The following BCL9L variants were observed in gnomAD, a reference collection of about 807,000 sequenced individuals.
The protein encoded by BCL9L is B-cell CLL/lymphoma 9-like protein.
Under a neutral mutation model 99.4 loss-of-function variants are expected in BCL9L, and 19 were observed. The observed-to-expected ratio is 0.19, with a 90% CI of 0.13 to 0.28. The LOEUF is 0.28. Ranked by LOEUF, BCL9L falls within the 10% of genes least tolerant of loss-of-function variation. The probability of loss-of-function intolerance (pLI) is 1.00; values close to 1 mark genes in which losing one functional copy is unlikely to be tolerated. For missense variants in BCL9L, 2,023 were observed against 2,101.6 expected (o/e 0.96, Z 0.73); for synonymous variants, 900 against 854.8 (o/e 1.05, Z -0.92).
chr11:118,906,639 T>C (rs1200592201), intron 5 of BCL9L, among the ~76,000 whole-genome samples: 1 of 152,210 alleles, frequency 6.6e-6, no homozygotes, highest in Non-Finnish European at 1.5e-5. Context: ...AATTTAATAG[T>C]CTCTGGCTAG....
At position 118,914,461 on chromosome 11, in the gene BCL9L, CT is replaced by C. The variant is rs1299300216; in HGVS notation, c.-77+4364del. Among the ~76,000 whole-genome samples, 1 of 152,208 alleles carries C rather than the reference CT, an allele frequency of 6.6e-6. No individual in the cohort carries two copies. Among genetic ancestry groups the C allele is most frequent in the African/African-American group, 2.4e-5 (1 of 41,456 alleles). ...GCATCCTCCTGGCCCCTCACCTCCC[CT>C]GATGGCTCACACTCTTGGCAGCAGC... On this transcript the variant is annotated intron_variant, in intron 2 of 9. Coordinates refer to ENST00000683865, the MANE Select transcript of BCL9L (RefSeq NM_001378213.1). The surrounding 1 kb of genome is among the most constrained non-coding windows in gnomAD (Gnocchi z 4.4).
chr11:118,908,656 C>G lies in BCL9L; in HGVS notation c.27-1G>C. On this transcript the variant is annotated splice_acceptor_variant, in intron 3 of 9. Coordinates refer to ENST00000683865, the MANE Select transcript of BCL9L (RefSeq NM_001378213.1). LOFTEE classifies it high-confidence loss of function. ...TTCTCTCCTCCTGGGGTGGGGTAAC[C>G]TGGGAGGAGGTGGGAGAAATGTGAA... is the stretch of plus-strand genomic sequence containing the variant. The G allele has an allele frequency of 6.2e-7, 1 of 1,605,206 alleles. No homozygotes were observed. The highest frequency in any genetic ancestry group is 8.5e-7 in the Non-Finnish European group (1 of 1,175,456).
Position 118,900,871 on chromosome 11 carries a change from G to A in BCL9L, c.2872C>T (p.Pro958Ser). Residue 958 changes from proline to serine, a missense_variant, in exon 8 of 10, where the codon CCC becomes TCC. This residue lies in a region of BCL9L where 902 missense variants were observed against 888.2 expected (regional missense o/e 1.02). Coordinates refer to ENST00000683865, the MANE Select transcript of BCL9L (RefSeq NM_001378213.1). This position sits in a 1 kb window ranked among gnomAD's most constrained non-coding sequence, Gnocchi z 5.3. ...PSANLKSPQT[P>S]SQMVPLPSAN... ...GAAGGCAAGGGCACCATCTGTGAGG[G>A]AGTCTGGGGTGACTTGAGGTTGGCA... 1 of 1,606,788 alleles carries A rather than the reference G, an allele frequency of 6.2e-7. No individual in the cohort carries two copies.
Position 118,902,249 on chromosome 11 carries a change from C to A in BCL9L, c.1494G>T (p.Gly498=). 1 of 1,605,462 alleles carries A rather than the reference C, an allele frequency of 6.2e-7. No homozygotes were observed. The highest frequency in any genetic ancestry group is 8.5e-7 in the Non-Finnish European group (1 of 1,174,444). The change falls in exon 8 of 10, where the codon GGG becomes GGT. Residue 498 remains glycine (G), a synonymous_variant. Transcript: ENST00000683865. This position sits in a 1 kb window ranked among gnomAD's most constrained non-coding sequence, Gnocchi z 7.8. ...VPGHPPGGDM[G]QQMNMMIQRL... ...TCTGTATCATCATGTTCATCTGCTG[C>A]CCCATGTCCCCACCCGGGGGGTGCC... is the stretch of plus-strand genomic sequence containing the variant.
chr11:118,899,906 T>C lies in BCL9L; in HGVS notation c.3406+11A>G. 2 of 1,609,792 alleles carry C rather than the reference T, an allele frequency of 1.2e-6. No individual in the cohort carries two copies. Among genetic ancestry groups the C allele is most frequent in the Non-Finnish European group, 1.7e-6 (2 of 1,178,356 alleles). ...AGCTGGCCTCCCTGGGGCCCTGGCC[T>C]GTCCTCGCACCTGGCCCGGAGCCCT... On this transcript the variant is annotated intron_variant, in intron 9 of 9. Coordinates refer to ENST00000683865, the MANE Select transcript of BCL9L (RefSeq NM_001378213.1).
In BCL9L at chr11:118,925,457, C is replaced by A. The variant is rs976074787; in HGVS notation, c.-350G>T. On this transcript the variant is annotated 5_prime_UTR_variant, in exon 1 of 10. Coordinates refer to ENST00000683865, the MANE Select transcript of BCL9L (RefSeq NM_001378213.1). This position sits in a 1 kb window ranked among gnomAD's most constrained non-coding sequence, Gnocchi z 6.4. The stretch of plus-strand genomic sequence containing the variant: ...GGGTGCCTGGGTTCCTGCCTCCCAA[C>A]CGCGGAGCATGGTCGCGGGCGCCGG... The A allele has an allele frequency of 6.6e-6, 1 of 152,276 alleles. No individual in the cohort carries two copies. Among genetic ancestry groups the A allele is most frequent in the African/African-American group, 2.4e-5 (1 of 41,470 alleles). The allele number at this position is 152,276 out of a possible 1,614,324, so 9.4% of individuals were successfully genotyped here.
In BCL9L at chr11:118,901,309, G is replaced by A. The variant is rs148630206; in HGVS notation, c.2434C>T (p.Leu812Phe). 1,309 of 1,613,522 alleles carry A rather than the reference G, an allele frequency of 8.1e-4. 8 individuals carry two copies. The African/African-American group carries it at 0.015, about 19-fold the overall frequency. ...GPGDLMGPQG[L>F]SPEEMARVRA... ...ACCCGGGCCATCTCCTCAGGACTGA[G>A]GCCCTGGGGCCCCATCAAGTCCCCA... is the stretch of plus-strand genomic sequence containing the variant. Residue 812 changes from leucine (L) to phenylalanine (F), a missense_variant, in exon 8 of 10, where the codon CTC becomes TTC. Coordinates refer to ENST00000683865, the MANE Select transcript of BCL9L (RefSeq NM_001378213.1). This position sits in a 1 kb window ranked among gnomAD's most constrained non-coding sequence, Gnocchi z 6.6.
chr11:118,908,693 G>A (rs1356438363), intron 3 of BCL9L, 38 bp from the exon 4 acceptor site: 1 of 1,562,180 alleles, frequency 6.4e-7, no homozygotes, highest in Non-Finnish European at 8.7e-7. Context: ...AGTTAACCTT[G>A]CTAGGGGCTA....
intron 1 of BCL9L, among the ~76,000 whole-genome samples, chr11:118,923,796 G>T (rs1941210630): frequency 6.6e-6 from 1 of 152,214 alleles, no homozygotes; most frequent in Admixed American, 6.5e-5. Context: ...CAAGGCCAAG[G>T]AGGCAAATCA....
At position 118,900,786 on chromosome 11, in the gene BCL9L, C is replaced by T. The variant is rs955967728; in HGVS notation, c.2957G>A (p.Arg986His). ...PQVLGSSLSV[R>H]SPTGSPSRLK... ...CCTGCTGGGCGAGCCAGTGGGTGAA[C>T]GGACACTGAGGGAGGAGCCGAGGAC... is the stretch of plus-strand genomic sequence containing the variant. Residue 986 changes from arginine to histidine, a missense_variant, in exon 8 of 10, where the codon CGT (arginine) becomes CAT (histidine). Coordinates refer to ENST00000683865, the MANE Select transcript of BCL9L (RefSeq NM_001378213.1). The surrounding 1 kb of genome is among the most constrained non-coding windows in gnomAD (Gnocchi z 5.3). 10 of 1,613,770 alleles carry T rather than the reference C, an allele frequency of 6.2e-6. No individual in the cohort carries two copies. The highest frequency in any genetic ancestry group is 7.6e-6 in the Non-Finnish European group (9 of 1,179,940).
intron 5 of BCL9L, among the ~76,000 whole-genome samples, chr11:118,907,269 C>A (rs78755429): frequency 0.018 from 2,782 of 152,278 alleles, 53 homozygotes; most frequent in Non-Finnish European, 0.029. Flanking sequence ...TCCACTCTGC[C>A]CCACCTAGGG....
intron 2 of BCL9L, among the ~76,000 whole-genome samples, chr11:118,915,765 C>T (rs983784618): frequency 1.3e-5 from 2 of 152,230 alleles, no homozygotes; most frequent in Non-Finnish European, 2.9e-5. Context: ...CTTAAGCCTA[C>T]TCTCTTGCCA....
At position 118,902,800 on chromosome 11, in the gene BCL9L, C is replaced by A; in HGVS notation, c.943G>T (p.Gly315Cys). Residue 315 changes from glycine (G) to cysteine (C), a missense_variant, in exon 8 of 10, where the codon GGC (glycine) becomes TGC (cysteine). This residue lies in a region of BCL9L where 1,116 missense variants were observed against 1,194.6 expected (regional missense o/e 0.93). Transcript: ENST00000683865. The surrounding 1 kb of genome is among the most constrained non-coding windows in gnomAD (Gnocchi z 7.8). ...GGGGGCAGAGCAGGCGGGGCACTGC[C>A]AGGGGCCGGGGGTGGCGGCGGCGGC... ...PLPPPPPPAPGSAPPALPPEG... is the reference protein window; with the variant it reads ...PLPPPPPPAPCSAPPALPPEG... The A allele has an allele frequency of 1.3e-6, 2 of 1,560,138 alleles. No individual in the cohort carries two copies. Among genetic ancestry groups the A allele is most frequent in the Admixed American group, 1.8e-5 (1 of 55,250 alleles).
At chr11:118,913,258 G>A (rs990016260) in intron 2 of BCL9L, among the ~76,000 whole-genome samples, 5 of 151,788 alleles carry the variant, frequency 3.3e-5, no homozygotes, top group Non-Finnish European at 7.4e-5. Flanking sequence ...TGCAGCCCTA[G>A]GGTAATGTCA....
At chr11:118,899,637 G>T in intron 9 of BCL9L, 129 bp from the exon 10 acceptor site, 1 of 1,266,212 alleles carries the variant, frequency 7.9e-7, no homozygotes, top group Non-Finnish European at 1.1e-6. Context: ...GGCTTCCCCT[G>T]GCTGGGAGGG....
At position 118,910,032 on chromosome 11, in the gene BCL9L, C is replaced by T; in HGVS notation, c.-76-17G>A. ...GAGCACGGACTGCAGCAACAAGCCCCAAAGAGAAAACTCGTGACTTGGGGA... is the reference window on the plus strand; with the variant it reads ...GAGCACGGACTGCAGCAACAAGCCCTAAAGAGAAAACTCGTGACTTGGGGA... On this transcript the variant is annotated splice_polypyrimidine_tract_variant and intron_variant, in intron 2 of 9. Coordinates refer to ENST00000683865, the MANE Select transcript of BCL9L (RefSeq NM_001378213.1). 4.5e-6 allele frequency: 7 copies of T among 1,565,812 alleles called. No homozygotes were observed. The highest frequency in any genetic ancestry group is 6.1e-6 in the Non-Finnish European group (7 of 1,144,340).
Position 118,925,771 on chromosome 11 carries a change from G to A in BCL9L, c.-664C>T, listed in dbSNP as rs1941263533. 6.7e-6 allele frequency among the ~76,000 whole-genome samples: 1 copy of A among 150,208 alleles called. No individual in the cohort carries two copies. The highest frequency in any genetic ancestry group is 2.4e-5 in the African/African-American group (1 of 41,170). ...GGGGGACCCAGGCGTGCGGGCGTCCGGCCGGCTGGCTCCGGGCGGCGGCGG... is the reference window on the plus strand; with the variant it reads ...GGGGGACCCAGGCGTGCGGGCGTCCAGCCGGCTGGCTCCGGGCGGCGGCGG... On this transcript the variant is annotated 5_prime_UTR_variant, in exon 1 of 10. Transcript: ENST00000683865. The surrounding 1 kb of genome is among the most constrained non-coding windows in gnomAD (Gnocchi z 6.4).
At chr11:118,905,148 G>A (rs769169094) in intron 5 of BCL9L, among the ~76,000 whole-genome samples, 1 of 152,206 alleles carries the variant, frequency 6.6e-6, no homozygotes, top group Non-Finnish European at 1.5e-5. Context: ...AACGAAGGCA[G>A]CCTGATGGCA....
At chr11:118,923,278 G>A (rs1941195391) in intron 1 of BCL9L, among the ~76,000 whole-genome samples, 1 of 152,150 alleles carries the variant, frequency 6.6e-6, no homozygotes, top group African/African-American at 2.4e-5. Context: ...TCCAGCCCTT[G>A]CTGAGCCGAC....
Sources: gnomAD v4.1 joint callset for allele counts (sites outside exome capture counted in the v4.1 genomes callset) on GRCh38, gnomAD v4.1.1 for gene constraint, gnomAD v4.1.1 regional missense constraint, Gnocchi (gnomAD v3.1) non-coding constraint, MANE v1.5 for transcripts, NCBI Gene and HGNC (gene_info 2026-07-23, HGNC 2026-07-21) for gene names.